The following TRIM45 variants were observed in gnomAD, a reference collection of about 807,000 sequenced individuals.
The protein encoded by TRIM45 is tripartite motif containing 45.
A neutral mutation model predicts 46.7 loss-of-function variants in TRIM45; 45 were observed. The observed-to-expected ratio is 0.96, with a 90% CI of 0.76 to 1.24. The LOEUF (loss-of-function observed/expected upper bound fraction) is 1.24. Ranked by LOEUF, TRIM45 falls within the 50% of genes most tolerant of loss-of-function variation. The pLI is 0.00. For synonymous variants in TRIM45, 259 were observed against 285.8 expected, an observed-to-expected ratio of 0.91 and a Z score of 0.94; for missense variants, 680 against 728.4, an observed-to-expected ratio of 0.93 and a Z score of 0.77.
At chr1:117,123,219 T>C (rs1453578173), upstream of TRIM45, among the ~76,000 whole-genome samples, 1 of 152,222 alleles carries the variant, frequency 6.6e-6, no homozygotes, top group Non-Finnish European at 1.5e-5. Context: ...TTCAGCCTCT[T>C]GTCCTTCTTG....
In TRIM45 at chr1:117,118,475, T is replaced by A; in HGVS notation, c.781A>T (p.Ile261Leu). The change falls in exon 2 of 6, where the codon ATA becomes TTA. Residue 261 changes from isoleucine to leucine, a missense_variant. Coordinates refer to ENST00000256649, the MANE Select transcript of TRIM45 (RefSeq NM_025188.4). The surrounding 1 kb of genome is among the most constrained non-coding windows in gnomAD (Gnocchi z 5.7). ...CGCTTCTGGAGGGCACTGTTTATTATGTGGATCTGAGCCAGGGCTTCCTCC... is the reference window on the plus strand; with the variant it reads ...CGCTTCTGGAGGGCACTGTTTATTAAGTGGATCTGAGCCAGGGCTTCCTCC... ...ALEEALAQIH[I>L]INSALQKRVE... 1 of 1,614,148 alleles carries A rather than the reference T, an allele frequency of 6.2e-7. No individual in the cohort carries two copies. The highest frequency in any genetic ancestry group is 8.5e-7 in the Non-Finnish European group (1 of 1,180,018).
At chr1:117,114,365 T>G (rs1487126060) in intron 4 of TRIM45, among the ~76,000 whole-genome samples, 2 of 152,124 alleles carry the variant, frequency 1.3e-5, no homozygotes, top group East Asian at 1.9e-4. Context: ...CAGGCGGGAG[T>G]GCACTGGCAC....
upstream of TRIM45, among the ~76,000 whole-genome samples, chr1:117,122,874 T>C (rs1354675047): frequency 6.6e-6 from 1 of 152,212 alleles, no homozygotes; most frequent in Non-Finnish European, 1.5e-5. Context: ...GCTTGTCTAC[T>C]GGGCCCTCAC....
rs757955660 is a variant in TRIM45, at chr1:117,121,677, C to T, written c.-476G>A. ...AGGCGCGCGCCGGGTGAGGGAATTG[C>T]AAGCCGCCGGCGGGCTTCTCGGTGT... On this transcript the variant is annotated 5_prime_UTR_variant, in exon 1 of 6. Coordinates refer to ENST00000256649, the MANE Select transcript of TRIM45 (RefSeq NM_025188.4). This position sits in a 1 kb window ranked among gnomAD's most constrained non-coding sequence, Gnocchi z 4.2. 6.5e-4 allele frequency: 353 copies of T among 545,234 alleles called. 1 individual carries two copies. The highest frequency in any genetic ancestry group is 1.8e-3 in the Admixed American group (51 of 28,190). 33.8% of individuals were successfully genotyped at this position (545,234 alleles called of 1,614,324 possible). A position where few individuals can be genotyped will look rare whatever the true frequency, so the allele number is the denominator to read the frequency against.
chr1:117,120,925 G>C lies in TRIM45; in HGVS notation c.277C>G (p.Leu93Val). 2 of 1,614,210 alleles carry C rather than the reference G, an allele frequency of 1.2e-6. No homozygotes were observed. The highest frequency in any genetic ancestry group is 1.7e-6 in the Non-Finnish European group (2 of 1,180,038). The change falls in exon 1 of 6, where the codon CTT becomes GTT. Residue 93 changes from leucine to valine, a missense_variant. By Grantham distance (32) the Leu-to-Val change is conservative (BLOSUM62 1). Transcript: ENST00000256649. ...ACCTGAGCATCACATACAGGACAAA[G>C]GATGCCGATCTGCGACTGCAGACTT... ...PRSLQSQIGI[L>V]CPVCDAQVDL...
chr1:117,118,542 C>T lies in TRIM45; in HGVS notation c.714G>A (p.Val238=), dbSNP rs1450074586. Reference sequence around the variant, plus strand: ...GCTGAGTACCTTTGAGGAGCTCCCACACAGAGTCCCCATGCTTGTGGATGA... The same window carrying T: ...GCTGAGTACCTTTGAGGAGCTCCCATACAGAGTCCCCATGCTTGTGGATGA... ...SNVIHKHGDS[V]WELLKGTQPH... The change falls in exon 2 of 6, where the codon GTG becomes GTA. Residue 238 remains valine (V), a synonymous_variant. Coordinates refer to ENST00000256649, the MANE Select transcript of TRIM45 (RefSeq NM_025188.4). This position sits in a 1 kb window ranked among gnomAD's most constrained non-coding sequence, Gnocchi z 5.7. The T allele has an allele frequency of 6.2e-7, 1 of 1,614,186 alleles. No individual in the cohort carries two copies. The highest frequency in any genetic ancestry group is 8.5e-7 in the Non-Finnish European group (1 of 1,180,010).
In TRIM45 at chr1:117,120,852, G is replaced by A. The variant is rs1356088709; in HGVS notation, c.350C>T (p.Ala117Val). 1.2e-6 allele frequency: 2 copies of A among 1,614,132 alleles called. No individual in the cohort carries two copies. Among genetic ancestry groups the A allele is most frequent in the South Asian group, 2.2e-5 (2 of 91,072 alleles). Residue 117 changes from alanine to valine, a missense_variant, in exon 1 of 6, where the codon GCC becomes GTC. Ala to Val is a moderately conservative substitution (Grantham distance 64). This residue lies in a region of TRIM45 where 349 missense variants were observed against 343.6 expected (regional missense o/e 1.02). Coordinates refer to ENST00000256649, the MANE Select transcript of TRIM45 (RefSeq NM_025188.4). ...GCTCTCCAGCATCACATCATTCACG[G>A]CCAGGTGGTCTATGGTTAAAGCCTT... Reference protein sequence around the residue: ...GVKALTIDHLAVNDVMLESLR... With the variant: ...GVKALTIDHLVVNDVMLESLR...
In TRIM45 at chr1:117,112,452, AC is replaced by A; in HGVS notation, c.1595del (p.Gly532ValfsTer4). The A allele has an allele frequency of 6.2e-7, 1 of 1,609,444 alleles. No individual in the cohort carries two copies. The highest frequency in any genetic ancestry group is 8.5e-7 in the Non-Finnish European group (1 of 1,178,206). On this transcript the variant is annotated frameshift_variant and splice_region_variant, in exon 6 of 6. Transcript: ENST00000256649. LOFTEE classifies it high-confidence loss of function. ...GTCCATGGCCACAGCCTAGGTACCC[AC>A]CTACATGGGACAAAGAGGAAAGGAC... ...ARCACGGTMPGGYLGCGHGHK... is the reference protein window; with the variant it reads ...ARCACGGTMPXGYLGCGHGHK...
upstream of TRIM45, among the ~76,000 whole-genome samples, chr1:117,123,063 A>C (rs992667459): frequency 8.6e-5 from 13 of 151,922 alleles, no homozygotes; most frequent in African/African-American, 2.2e-4. Context: ...AAAAACCATT[A>C]TAAAATATAA....
At chr1:117,120,255 A>G (rs1274826131) in intron 1 of TRIM45, among the ~76,000 whole-genome samples, 1 of 152,244 alleles carries the variant, frequency 6.6e-6, no homozygotes, top group East Asian at 1.9e-4. Context: ...GTTCTGTTAC[A>G]CACTTACCAA....
At chr1:117,123,200 T>C (rs1467131469), upstream of TRIM45, among the ~76,000 whole-genome samples, 2 of 152,232 alleles carry the variant, frequency 1.3e-5, no homozygotes, top group African/African-American at 4.8e-5. Context: ...AGTCCTTACC[T>C]AGATTTTTTT....
rs139594745 is a variant in TRIM45 at position 117,116,529 on chromosome 1, G to A, written c.1352+87C>T. The A allele has an allele frequency of 4.5e-6, 7 of 1,538,676 alleles. No homozygotes were observed. The highest frequency in any genetic ancestry group is 6.2e-6 in the Non-Finnish European group (7 of 1,134,190). On this transcript the variant is annotated intron_variant, in intron 3 of 5. Coordinates refer to ENST00000256649, the MANE Select transcript of TRIM45 (RefSeq NM_025188.4). The surrounding 1 kb of genome is among the most constrained non-coding windows in gnomAD (Gnocchi z 4.6). Reference sequence around the variant, plus strand: ...GCTGGGATTACAGGCATGAGCCACTGTGCCCAGCTCCAATATCTTAAAGGA... The same window carrying A: ...GCTGGGATTACAGGCATGAGCCACTATGCCCAGCTCCAATATCTTAAAGGA...
rs186048298 is a variant in TRIM45, at chr1:117,119,381, G to A, written c.489-614C>T. Among the ~76,000 whole-genome samples, 32 of 152,284 alleles carry A rather than the reference G, an allele frequency of 2.1e-4. 1 individual carries two copies. The highest frequency in any genetic ancestry group is 1.8e-3 in the Admixed American group (27 of 15,298). On this transcript the variant is annotated intron_variant, in intron 1 of 5. Transcript: ENST00000256649. ...AGCATTTTGGGAGGCTGAGGTGGGC[G>A]GATCAACTGAGGTCAGGAGTTTGAG...
At chr1:117,122,151 T>A, upstream of TRIM45, 1 of 273,464 alleles carries the variant, frequency 3.7e-6, no homozygotes, top group Non-Finnish European at 6.9e-6. Context: ...CAGACTGGGT[T>A]CTCCCATTGG....
chr1:117,119,431 C>A (rs963686655), intron 1 of TRIM45, among the ~76,000 whole-genome samples: 5 of 152,146 alleles, frequency 3.3e-5, no homozygotes, highest in African/African-American at 4.8e-5. Flanking sequence ...CATGGTGAAA[C>A]CCTGTCTCTA....
chr1:117,113,409 G>A lies in TRIM45; in HGVS notation c.1544C>T (p.Ser515Phe). Residue 515 changes from serine (S) to phenylalanine (F), a missense_variant, in exon 5 of 6, where the codon TCC (serine) becomes TTC (phenylalanine). Ser to Phe is a radical substitution (Grantham distance 155). This residue lies in a region of TRIM45 where 322 missense variants were observed against 359.3 expected (regional missense o/e 0.90). Transcript: ENST00000256649. This position sits in a 1 kb window ranked among gnomAD's most constrained non-coding sequence, Gnocchi z 4.0. ...GCGAGCGGTTTTCTGGCCCCCGCTG[G>A]AGCAGAAGGTGCAGCAGTGAAACAC... ...SGVFHCCTFC[S>F]SGGQKTARCA... 6.2e-7 allele frequency: 1 copy of A among 1,612,402 alleles called. No individual in the cohort carries two copies. Among genetic ancestry groups the A allele is most frequent in the Non-Finnish European group, 8.5e-7 (1 of 1,179,944 alleles).
In TRIM45 at chr1:117,112,214, T is replaced by C; in HGVS notation, c.*91A>G. The C allele has an allele frequency of 7.8e-7, 1 of 1,288,214 alleles. No homozygotes were observed. Among genetic ancestry groups the C allele is most frequent in the Non-Finnish European group, 1.0e-6 (1 of 991,060 alleles). The allele number at this position is 1,288,214 out of a possible 1,614,324, so 79.8% of individuals were successfully genotyped here. Reference sequence around the variant, plus strand: ...AGATAAGGCACTTTGTTTTTAATTCTATCAGTCTCTTTAGAATGAACGAAG... The same window carrying C: ...AGATAAGGCACTTTGTTTTTAATTCCATCAGTCTCTTTAGAATGAACGAAG... On this transcript the variant is annotated 3_prime_UTR_variant, in exon 6 of 6. Transcript: ENST00000256649.
At chr1:117,112,495 C>A (rs200494220) in intron 5 of TRIM45, 42 bp from the exon 6 acceptor site, 2 of 1,557,184 alleles carry the variant, frequency 1.3e-6, no homozygotes, top group Admixed American at 1.9e-5. Context: ...CAACCATTAG[C>A]GTGGAGGCCA....
In TRIM45 at chr1:117,121,723, C is replaced by T. The variant is rs959165767; in HGVS notation, c.-522G>A. 1 of 594,918 alleles carries T rather than the reference C, an allele frequency of 1.7e-6. No homozygotes were observed. Among genetic ancestry groups the T allele is most frequent in the Non-Finnish European group, 3.0e-6 (1 of 328,610 alleles). 36.9% of individuals were successfully genotyped at this position (594,918 alleles called of 1,614,324 possible). On this transcript the variant is annotated 5_prime_UTR_variant, in exon 1 of 6. Coordinates refer to ENST00000256649, the MANE Select transcript of TRIM45 (RefSeq NM_025188.4). The surrounding 1 kb of genome is among the most constrained non-coding windows in gnomAD (Gnocchi z 4.2). ...GGTGTCCACCGCCTCTCCCGCGCCT[C>T]GGCCCGGGACGCCCGCGGGCTCTGG...
Sources: gnomAD v4.1 joint callset for allele counts (sites outside exome capture counted in the v4.1 genomes callset) on GRCh38, gnomAD v4.1.1 for gene constraint, gnomAD v4.1.1 regional missense constraint, Gnocchi (gnomAD v3.1) non-coding constraint, MANE v1.5 for transcripts, NCBI Gene and HGNC (gene_info 2026-07-23, HGNC 2026-07-21) for gene names.